Variants in AEBP2 observed in about 807,000 individuals in gnomAD.
AEBP2 encodes zinc finger protein AEBP2.
A neutral mutation model predicts 50.8 loss-of-function variants in AEBP2; 10 were observed. That is an observed-to-expected ratio of 0.20 (90% CI 0.12 to 0.33). The LOEUF is 0.33. AEBP2 is among the 10% of genes least tolerant of loss of function. The pLI, the probability that AEBP2 is intolerant of heterozygous loss-of-function variation, is 1.00. For synonymous variants in AEBP2, 296 were observed against 261.3 expected (o/e 1.13, Z -1.28); for missense variants, 570 against 688.0 (o/e 0.83, Z 1.92).
At position 19,518,719 on chromosome 12, in the gene AEBP2, G is replaced by T; in HGVS notation, c.*602G>T. ...TTCAATTTGTATTTAAGCAAACAGTGAACGACGTTTGCAATCAACTAAAAA... is the reference window on the plus strand; with the variant it reads ...TTCAATTTGTATTTAAGCAAACAGTTAACGACGTTTGCAATCAACTAAAAA... On this transcript the variant is annotated 3_prime_UTR_variant, in exon 8 of 8. Transcript: ENST00000266508. 6.7e-7 allele frequency: 1 copy of T among 1,489,362 alleles called. No individual in the cohort carries two copies. The highest frequency in any genetic ancestry group is 1.3e-5 in the South Asian group (1 of 76,894). The allele number at this position is 1,489,362 out of a possible 1,614,324, so 92.3% of individuals were successfully genotyped here. A position where few individuals can be genotyped will look rare whatever the true frequency, so the allele number is the denominator to read the frequency against.
intron 2 of AEBP2, among the ~76,000 whole-genome samples, chr12:19,467,111 T>A (rs1469854696): frequency 6.6e-6 from 1 of 152,188 alleles, no homozygotes; most frequent in Non-Finnish European, 1.5e-5. Context: ...TTTTTTTTCT[T>A]AAACAGAGAT....
intron 7 of AEBP2, among the ~76,000 whole-genome samples, chr12:19,516,740 G>A (rs1442120170): frequency 1.3e-5 from 2 of 152,068 alleles, no homozygotes; most frequent in East Asian, 1.9e-4. Context: ...CAAAAAAGCC[G>A]TCTTGGCCCG....
At chr12:19,474,185 T>C (rs1193458738) in intron 3 of AEBP2, among the ~76,000 whole-genome samples, 1 of 152,220 alleles carries the variant, frequency 6.6e-6, no homozygotes, top group Non-Finnish European at 1.5e-5. Context: ...AAAGAGCAAG[T>C]TTCTGTAAAA....
At chr12:19,447,899 T>C (rs1207126582) in intron 1 of AEBP2, among the ~76,000 whole-genome samples, 4 of 152,222 alleles carry the variant, frequency 2.6e-5, no homozygotes, top group Non-Finnish European at 5.9e-5. Context: ...GCGAGGGTGC[T>C]GCTGTAGAGT....
chr12:19,455,438 C>G (rs1221451574), intron 1 of AEBP2, among the ~76,000 whole-genome samples: 1 of 152,030 alleles, frequency 6.6e-6, no homozygotes, highest in Non-Finnish European at 1.5e-5. Context: ...ACTTTAAGAC[C>G]ATAGTTTTGT....
intron 4 of AEBP2, among the ~76,000 whole-genome samples, chr12:19,495,999 G>GA (rs1264816310): frequency 1.2e-4 from 19 of 152,092 alleles, no homozygotes; most frequent in Non-Finnish European, 1.3e-4. Flanking sequence ...GTTGCACACA[G>GA]AAAATTGCTA....
At chr12:19,445,519 C>T (rs371976169) in intron 1 of AEBP2, among the ~76,000 whole-genome samples, 2 of 152,064 alleles carry the variant, frequency 1.3e-5, no homozygotes, top group East Asian at 3.9e-4. Flanking sequence ...CGGCCTCATG[C>T]CAGGTACTCT....
At chr12:19,514,860 CT>C (rs1387141444) in intron 7 of AEBP2, 76 bp downstream of exon 7, 11 of 1,136,322 alleles carry the variant, frequency 9.7e-6, no homozygotes, top group African/African-American at 1.6e-5. Flanking sequence ...TAAATTAGGA[CT>C]TAGTTTTAAG....
At chr12:19,434,419 C>T (rs748514882) in intron 1 of AEBP2, among the ~76,000 whole-genome samples, 68 of 152,192 alleles carry the variant, frequency 4.5e-4, no homozygotes, top group Non-Finnish European at 7.8e-4. Flanking sequence ...GTGATCCACT[C>T]GCCTTGGCCT....
chr12:19,426,728 A>AC (rs1219048989), intron 1 of AEBP2, among the ~76,000 whole-genome samples: 1 of 151,888 alleles, frequency 6.6e-6, no homozygotes, highest in Non-Finnish European at 1.5e-5. Flanking sequence ...ACATGGTGAA[A>AC]CCCCATCTCT....
chr12:19,460,272 A>G (rs1461268053), intron 1 of AEBP2, among the ~76,000 whole-genome samples: 2 of 152,150 alleles, frequency 1.3e-5, no homozygotes, highest in Non-Finnish European at 1.5e-5. Context: ...TATAAAGCTT[A>G]CTTAAGCTAA....
chr12:19,406,108 G>A (rs1212894397), intron 1 of AEBP2, among the ~76,000 whole-genome samples: 1 of 151,958 alleles, frequency 6.6e-6, no homozygotes, highest in Non-Finnish European at 1.5e-5. Flanking sequence ...TGGGATTACA[G>A]GAGCCTGCCA....
chr12:19,428,467 G>C (rs2095749734), intron 1 of AEBP2, among the ~76,000 whole-genome samples: 1 of 152,242 alleles, frequency 6.6e-6, no homozygotes, highest in African/African-American at 2.4e-5. Flanking sequence ...ATAGGAATCA[G>C]ACACATGTGG....
intron 1 of AEBP2, among the ~76,000 whole-genome samples, chr12:19,433,794 C>T (rs1291316315): frequency 3.3e-5 from 5 of 150,472 alleles, no homozygotes; most frequent in Admixed American, 6.6e-5. Flanking sequence ...AAGAGTGAAA[C>T]TCCGTCTCAA....
chr12:19,513,083 A>C (rs1390056793), intron 6 of AEBP2, among the ~76,000 whole-genome samples: 1 of 152,194 alleles, frequency 6.6e-6, no homozygotes, highest in Non-Finnish European at 1.5e-5. Flanking sequence ...TCTCAAAAAT[A>C]AAAAAGTAGT....
chr12:19,442,642 A>G (rs184675819), intron 1 of AEBP2, among the ~76,000 whole-genome samples: 3 of 152,326 alleles, frequency 2.0e-5, no homozygotes, highest in Admixed American at 2.0e-4. Flanking sequence ...TAACCAAGCA[A>G]ACTTGGTTTT....
chr12:19,501,302 A>T (rs918636076), intron 5 of AEBP2, among the ~76,000 whole-genome samples: 1 of 148,076 alleles, frequency 6.8e-6, no homozygotes, highest in Non-Finnish European at 1.5e-5. Flanking sequence ...CTGCACTCCG[A>T]CCTAGGCAGC....
rs557296737 is a variant in AEBP2, at chr12:19,505,887, C to T, written c.1299+5666C>T. Among the ~76,000 whole-genome samples the T allele has an allele frequency of 5.9e-5, 9 of 151,820 alleles. No individual in the cohort carries two copies. The East Asian group carries it at 1.8e-3, about 30-fold the overall frequency. The stretch of plus-strand genomic sequence containing the variant: ...AACTCCTGGGCTCAAGCAGTCCTCT[C>T]TCCTCAGTCTCCCAGGTAGTTTGGT... On this transcript the variant is annotated intron_variant, in intron 5 of 7. Transcript: ENST00000266508.
intron 5 of AEBP2, among the ~76,000 whole-genome samples, chr12:19,501,327 A>C (rs1312960736): frequency 6.9e-6 from 1 of 145,954 alleles, no homozygotes; most frequent in Non-Finnish European, 1.5e-5. Flanking sequence ...GCGAAACTCC[A>C]TCTCAAAAAA....
Sources: allele counts gnomAD v4.1 joint callset (sites outside exome capture counted in the v4.1 genomes callset), GRCh38; gene constraint gnomAD v4.1.1; transcripts MANE v1.5; gene names NCBI Gene and HGNC (gene_info 2026-07-23, HGNC 2026-07-21).